Variants in SERPINC1 observed in about 807,000 individuals in gnomAD.
SERPINC1 encodes the protein antithrombin-III.
SERPINC1 carries 12 observed loss-of-function variants against 43.4 expected under a neutral mutation model. That is an observed-to-expected ratio of 0.28 (90% CI 0.18 to 0.45). The LOEUF is 0.45. Among genes scored for constraint, SERPINC1 ranks in the 20% least tolerant of loss-of-function variants. The probability of loss-of-function intolerance (pLI) is 1.00; values close to 1 mark genes in which losing one functional copy is unlikely to be tolerated. For missense variants in SERPINC1, 423 were observed against 578.8 expected, an observed-to-expected ratio of 0.73 and a Z score of 2.76; for synonymous variants, 210 against 218.9, an observed-to-expected ratio of 0.96 and a Z score of 0.36.
chr1:173,917,127 C>T, intron 1 of SERPINC1, 92 bp downstream of exon 1: 1 of 1,089,604 alleles, frequency 9.2e-7, no homozygotes, highest in Non-Finnish European at 1.4e-6. Flanking sequence ...AGGGCCTGGT[C>T]TTCTCAAAGG....
rs1657686098 is a variant in SERPINC1, at chr1:173,909,759, T to A, written c.946A>T (p.Ile316Phe). Residue 316 changes from isoleucine (I) to phenylalanine (F), a missense_variant, in exon 5 of 7, where the codon ATC becomes TTC. Transcript: ENST00000367698. ...AGGCTCTTCTCAGGCTTGGGCAAGA[T>A]GAGGACCATGGTGATGTCATCACCT... ...FKGDDITMVL[I>F]LPKPEKSLAK... The A allele has an allele frequency of 1.9e-6, 3 of 1,614,062 alleles. No homozygotes were observed. The highest frequency in any genetic ancestry group is 2.5e-6 in the Non-Finnish European group (3 of 1,180,004).
At chr1:173,914,401 T>A (rs1206071825) in intron 2 of SERPINC1, 152 bp downstream of exon 2, 3 of 856,596 alleles carry the variant, frequency 3.5e-6, no homozygotes, top group Admixed American at 2.5e-5. Context: ...TCAAAGGGAA[T>A]TATAACACAG....
At chr1:173,905,941 C>T (rs756351409) in intron 6 of SERPINC1, among the ~76,000 whole-genome samples, 4 of 152,166 alleles carry the variant, frequency 2.6e-5, no homozygotes, top group East Asian at 1.9e-4. Context: ...CACATTTCCT[C>T]GCTCCCGTTA....
At chr1:173,911,096 G>A (rs1657753427) in intron 3 of SERPINC1, among the ~76,000 whole-genome samples, 1 of 151,908 alleles carries the variant, frequency 6.6e-6, no homozygotes, top group Non-Finnish European at 1.5e-5. Context: ...AATATTATCA[G>A]AAGAAAAAGA....
Position 173,909,928 on chromosome 1 carries a change from T to C in SERPINC1, c.777A>G (p.Ser259=), listed in dbSNP as rs746961120. The C allele has an allele frequency of 6.2e-7, 1 of 1,614,178 alleles. No individual in the cohort carries two copies. The highest frequency in any genetic ancestry group is 8.5e-7 in the Non-Finnish European group (1 of 1,180,044). The change falls in exon 5 of 7, where the codon TCA becomes TCG. Residue 259 remains serine (S), a synonymous_variant. Transcript: ENST00000367698. ...TCCTTGTGTTCTCAGGGCTGAACTT[T>C]GACTTCCACAGGCCCTGGAAGAGAA... ...NTIYFKGLWK[S]KFSPENTRKE... is the part of the protein sequence containing the mutation.
At position 173,914,657 on chromosome 1, in the gene SERPINC1, T is replaced by C. The variant is rs1287865349; in HGVS notation, c.304A>G (p.Lys102Glu). 1.9e-6 allele frequency: 3 copies of C among 1,614,124 alleles called. No homozygotes were observed. The change falls in exon 2 of 7, where the codon AAG (lysine) becomes GAG (glutamate). Residue 102 changes from lysine (K) to glutamate (E), a missense_variant. By Grantham distance (56) the Lys-to-Glu change is moderately conservative. Transcript: ENST00000367698. ...AGGAAAATGTTATCATTGTCATTCTTGGAATCTGCCAGGTGCTGATAGAAA... is the reference window on the plus strand; with the variant it reads ...AGGAAAATGTTATCATTGTCATTCTCGGAATCTGCCAGGTGCTGATAGAAA... ...TTFYQHLADS[K>E]NDNDNIFLSP...
chr1:173,915,545 G>A (rs570949523), intron 1 of SERPINC1, among the ~76,000 whole-genome samples: 216 of 152,118 alleles, frequency 1.4e-3, no homozygotes, highest in Middle Eastern at 6.8e-3. Flanking sequence ...GTGTGGTGGC[G>A]CACACCTGTA....
intron 1 of SERPINC1, chr1:173,915,200 G>C (rs1475415367): frequency 1.5e-6 from 2 of 1,317,938 alleles, no homozygotes; most frequent in Non-Finnish European, 1.9e-6. Context: ...GGAGAAAAAA[G>C]AATGAGAAGC....
intron 6 of SERPINC1, among the ~76,000 whole-genome samples, chr1:173,906,353 C>T (rs539168724): frequency 3.9e-5 from 6 of 152,342 alleles, no homozygotes; most frequent in South Asian, 4.1e-4. Context: ...TGGGGGAACA[C>T]GTTAAGTGAT....
chr1:173,909,624 A>G lies in SERPINC1; in HGVS notation c.1081T>C (p.Phe361Leu). The part of the protein sequence containing the change: ...HMPRFRIEDG[F>L]SLKEQLQDMG... ...TCTTGCAGCTGCTCCTTCAAACTGA[A>G]GCCGTCCTCAATGCGGAAGCGGGGC... is the stretch of plus-strand genomic sequence containing the variant. Residue 361 changes from phenylalanine (F) to leucine (L), a missense_variant, in exon 5 of 7, where the codon TTC becomes CTC. By Grantham distance (22) the Phe-to-Leu change is conservative. Coordinates refer to ENST00000367698, the MANE Select transcript of SERPINC1 (RefSeq NM_000488.4). The G allele has an allele frequency of 6.2e-7, 1 of 1,614,066 alleles. No homozygotes were observed. The highest frequency in any genetic ancestry group is 8.5e-7 in the Non-Finnish European group (1 of 1,179,972).
intron 6 of SERPINC1, 42 bp downstream of exon 6, chr1:173,907,408 T>G: frequency 6.7e-7 from 1 of 1,485,010 alleles, no homozygotes; most frequent in Non-Finnish European, 9.4e-7. Context: ...TGTTCATGCA[T>G]CTCCTTTCTG....
At position 173,909,718 on chromosome 1, in the gene SERPINC1, C is replaced by G; in HGVS notation, c.987G>C (p.Lys329Asn). The part of the protein sequence containing the change: ...KPEKSLAKVE[K>N]ELTPEVLQEW... ...CTTGCAGCACCTCTGGGGTGAGTTCCTTCTCTACCTTGGCCAGGCTCTTCT... is the reference window on the plus strand; with the variant it reads ...CTTGCAGCACCTCTGGGGTGAGTTCGTTCTCTACCTTGGCCAGGCTCTTCT... The change falls in exon 5 of 7, where the codon AAG becomes AAC. Residue 329 changes from lysine to asparagine, a missense_variant. Coordinates refer to ENST00000367698, the MANE Select transcript of SERPINC1 (RefSeq NM_000488.4). 6.2e-7 allele frequency: 1 copy of G among 1,614,174 alleles called. No individual in the cohort carries two copies. The highest frequency in any genetic ancestry group is 8.5e-7 in the Non-Finnish European group (1 of 1,180,000).
chr1:173,913,004 C>A (rs551166768), intron 2 of SERPINC1, among the ~76,000 whole-genome samples: 1 of 152,296 alleles, frequency 6.6e-6, no homozygotes, highest in South Asian at 2.1e-4. Flanking sequence ...TCTACAATTT[C>A]TTTCAAAGAG....
chr1:173,911,038 A>G, intron 3 of SERPINC1, 147 bp from the exon 4 acceptor site: 1 of 787,292 alleles, frequency 1.3e-6, no homozygotes, highest in Non-Finnish European at 2.2e-6. Flanking sequence ...AAATTGGGGA[A>G]GCCTCACATA....
intron 4 of SERPINC1, among the ~76,000 whole-genome samples, chr1:173,910,414 TA>T (rs201899230): frequency 1.0e-4 from 15 of 150,732 alleles, no homozygotes; most frequent in Admixed American, 5.3e-4. Context: ...CCGTCTTTAC[TA>T]AAAAAAAACC....
At chr1:173,915,445 G>A (rs926860764) in intron 1 of SERPINC1, among the ~76,000 whole-genome samples, 2 of 152,192 alleles carry the variant, frequency 1.3e-5, no homozygotes, top group Non-Finnish European at 2.9e-5. Context: ...GGAGGCTGAG[G>A]CATGCAGATC....
chr1:173,914,777 CCTT>C lies in SERPINC1; in HGVS notation c.181_183del (p.Lys61del), dbSNP rs752544767. The C allele has an allele frequency of 2.1e-5, 34 of 1,614,038 alleles. No individual in the cohort carries two copies. In the East Asian group the frequency reaches 4.9e-4, roughly 23 times the overall value. ...TGTTCTGAGCCCTCATCCTCAGTTG[CCTT>C]CTTCTCCGGGGAGCGGTAAATGCAC... On this transcript the variant is annotated inframe_deletion, in exon 2 of 7. Transcript: ENST00000367698.
intron 5 of SERPINC1, among the ~76,000 whole-genome samples, chr1:173,908,257 A>G (rs1657612913): frequency 6.6e-6 from 1 of 151,902 alleles, no homozygotes; most frequent in Non-Finnish European, 1.5e-5. Flanking sequence ...TGGGAGGCCA[A>G]GGCAGGTAGA....
intron 5 of SERPINC1, 130 bp from the exon 6 acceptor site, chr1:173,907,644 AC>A: frequency 1.3e-6 from 1 of 765,294 alleles, no homozygotes. Context: ...CTAAATCTTC[AC>A]CTAATCATAC....
Sources: gnomAD v4.1 joint callset for allele counts (sites outside exome capture counted in the v4.1 genomes callset) on GRCh38, gnomAD v4.1.1 for gene constraint, MANE v1.5 for transcripts, NCBI Gene and HGNC (gene_info 2026-07-23, HGNC 2026-07-21) for gene names.